The following MYT1L variants were observed in gnomAD, a reference collection of about 807,000 sequenced individuals.
The protein encoded by MYT1L is myelin transcription factor 1 like.
In MYT1L, 12 loss-of-function variants were observed where a neutral mutation model predicts 126.7. The ratio of observed to expected loss-of-function variants is 0.09; its 90% CI spans 0.06 to 0.15. The LOEUF is 0.15. MYT1L is among the 10% of genes least tolerant of loss of function. The probability of loss-of-function intolerance (pLI) is 1.00; values close to 1 mark genes in which losing one functional copy is unlikely to be tolerated. For synonymous variants in MYT1L, 541 were observed against 604.2 expected (o/e 0.90, Z 1.53); for missense variants, 979 against 1,585.2 (o/e 0.62, Z 6.49).
chr2:1,895,572 G>A (rs912103366), intron 14 of MYT1L, among the ~76,000 whole-genome samples: 1 of 152,184 alleles, frequency 6.6e-6, no homozygotes, highest in Non-Finnish European at 1.5e-5. Context: ...ACAACCATCT[G>A]ATCTTTGATA....
At chr2:1,823,522 G>A (rs186506346) in intron 21 of MYT1L, among the ~76,000 whole-genome samples, 4 of 152,334 alleles carry the variant, frequency 2.6e-5, no homozygotes, top group African/African-American at 9.6e-5. Flanking sequence ...CCCCCAGGAC[G>A]GAAGCGAAGG....
At chr2:2,058,840 T>G (rs2069977558) in intron 3 of MYT1L, among the ~76,000 whole-genome samples, 1 of 152,310 alleles carries the variant, frequency 6.6e-6, no homozygotes, top group African/African-American at 2.4e-5. Flanking sequence ...GATGTGAGGC[T>G]CCTTCTCAGT....
At chr2:2,268,637 G>A (rs899624227) in intron 2 of MYT1L, among the ~76,000 whole-genome samples, 1 of 151,994 alleles carries the variant, frequency 6.6e-6, no homozygotes, top group Non-Finnish European at 1.5e-5. Context: ...GGAAAACCAC[G>A]CCAGGAAATC....
At chr2:2,178,438 C>T (rs944857118) in intron 2 of MYT1L, among the ~76,000 whole-genome samples, 9 of 152,156 alleles carry the variant, frequency 5.9e-5, no homozygotes, top group African/African-American at 2.2e-4. Flanking sequence ...AACCTTCTTC[C>T]ATGTTAAGCA....
intron 3 of MYT1L, among the ~76,000 whole-genome samples, chr2:2,080,257 T>G (rs1440507639): frequency 2.0e-5 from 3 of 152,144 alleles, no homozygotes; most frequent in Non-Finnish European, 4.4e-5. Flanking sequence ...GTCCTTGGGT[T>G]AGGTGACGGC....
chr2:2,262,047 T>C (rs1226031541), intron 2 of MYT1L, among the ~76,000 whole-genome samples: 1 of 152,208 alleles, frequency 6.6e-6, no homozygotes, highest in East Asian at 1.9e-4. Flanking sequence ...ATGGGTGCAA[T>C]TGAGACACCC....
chr2:1,808,680 G>T (rs916382593), intron 22 of MYT1L, among the ~76,000 whole-genome samples: 1 of 152,174 alleles, frequency 6.6e-6, no homozygotes, highest in Admixed American at 6.5e-5. Context: ...GAGTGAGGGC[G>T]ACAGGGGAGG....
chr2:1,874,436 G>A (rs775550227), intron 18 of MYT1L, among the ~76,000 whole-genome samples: 1 of 152,152 alleles, frequency 6.6e-6, no homozygotes, highest in Admixed American at 6.5e-5. Flanking sequence ...CTTTAGCACT[G>A]GCCAGACTTA....
chr2:2,207,313 A>G (rs922740933), intron 2 of MYT1L, among the ~76,000 whole-genome samples: 2 of 152,148 alleles, frequency 1.3e-5, no homozygotes, highest in Non-Finnish European at 2.9e-5. Context: ...TATAATGCGC[A>G]CTTTCCTGCT....
In MYT1L at chr2:1,841,060, C is replaced by G. The variant is rs867992036; in HGVS notation, c.2775-217G>C. On this transcript the variant is annotated intron_variant, in intron 19 of 24. Coordinates refer to ENST00000647738, the MANE Select transcript of MYT1L (RefSeq NM_001303052.2). Reference sequence around the variant, plus strand: ...CTGGGACTACAGGCGGCCACCACCACGCCTGGCTAATTTTTTTGTATTTTT... The same window carrying G: ...CTGGGACTACAGGCGGCCACCACCAGGCCTGGCTAATTTTTTTGTATTTTT... 14 of 468,612 alleles carry G rather than the reference C, an allele frequency of 3.0e-5. 1 individual carries two copies. The East Asian group carries it at 5.6e-4, about 19-fold the overall frequency. The allele number at this position is 468,612 out of a possible 1,614,324, so 29.0% of individuals were successfully genotyped here.
At chr2:2,181,961 G>T (rs2091583498) in intron 2 of MYT1L, among the ~76,000 whole-genome samples, 2 of 152,138 alleles carry the variant, frequency 1.3e-5, no homozygotes, top group Non-Finnish European at 1.5e-5. Context: ...TCACAGAGCT[G>T]GGATGGGGAC....
intron 11 of MYT1L, among the ~76,000 whole-genome samples, chr2:1,913,796 C>T (rs772096154): frequency 3.9e-5 from 6 of 152,140 alleles, no homozygotes; most frequent in African/African-American, 1.2e-4. Flanking sequence ...CTCCCAGCCT[C>T]GCCCCTGAAT....
At chr2:2,155,304 G>A (rs2148355989) in intron 3 of MYT1L, among the ~76,000 whole-genome samples, 1 of 152,324 alleles carries the variant, frequency 6.6e-6, no homozygotes, top group East Asian at 1.9e-4. Context: ...TAGCACAGAT[G>A]GGACTCAGGG....
chr2:2,243,253 G>A (rs965293129), intron 2 of MYT1L, among the ~76,000 whole-genome samples: 1 of 152,164 alleles, frequency 6.6e-6, no homozygotes, highest in African/African-American at 2.4e-5. Flanking sequence ...GTTTGGACAG[G>A]CATGTCCTAT....
chr2:2,175,695 C>T (rs141093496), intron 2 of MYT1L, among the ~76,000 whole-genome samples: 4 of 152,182 alleles, frequency 2.6e-5, no homozygotes, highest in African/African-American at 4.8e-5. Context: ...ACCCTTGCCT[C>T]GATACTGTCT....
intron 3 of MYT1L, among the ~76,000 whole-genome samples, chr2:2,064,398 G>A (rs1267530355): frequency 6.6e-6 from 1 of 152,204 alleles, no homozygotes; most frequent in Non-Finnish European, 1.5e-5. Flanking sequence ...GATAGAAGTT[G>A]TCCAGGAGAA....
intron 8 of MYT1L, among the ~76,000 whole-genome samples, chr2:1,957,774 C>T (rs1013123616): frequency 2.0e-5 from 3 of 152,160 alleles, no homozygotes; most frequent in African/African-American, 7.2e-5. Flanking sequence ...TTTCTCTCTG[C>T]TGATTCCTCA....
At chr2:1,826,038 C>G (rs1388708668) in intron 21 of MYT1L, 1 of 152,406 alleles carries the variant, frequency 6.6e-6, no homozygotes, top group African/African-American at 2.4e-5. Flanking sequence ...TCCAGCAGGA[C>G]AGTCGGGCCT....
Position 1,806,752 on chromosome 2 carries a change from C to T in MYT1L, c.3172+2324G>A, listed in dbSNP as rs539130815. 7.2e-4 allele frequency among the ~76,000 whole-genome samples: 110 copies of T among 152,232 alleles called. No individual in the cohort carries two copies. Among genetic ancestry groups the T allele is most frequent in the African/African-American group, 2.3e-3 (96 of 41,522 alleles). On this transcript the variant is annotated intron_variant, in intron 22 of 24. Transcript: ENST00000647738. The surrounding 1 kb of genome is among the most constrained non-coding windows in gnomAD (Gnocchi z 4.9). ...CTAGGATTGGCAGATCTGTTCTCTC[C>T]GTATTTTCTTTCCTTTTCTGTTTTG...
Sources: allele counts gnomAD v4.1 joint callset (sites outside exome capture counted in the v4.1 genomes callset), GRCh38; gene constraint gnomAD v4.1.1; non-coding constraint Gnocchi (gnomAD v3.1); transcripts MANE v1.5; gene names NCBI Gene and HGNC (gene_info 2026-07-23, HGNC 2026-07-21).